Variants in MCHR2 observed in about 807,000 individuals in gnomAD.
MCHR2 encodes melanin-concentrating hormone receptor 2.
A neutral mutation model predicts 24.8 loss-of-function variants in MCHR2; 15 were observed. The ratio of observed to expected loss-of-function variants is 0.60; its 90% CI spans 0.40 to 0.93. MCHR2 has a LOEUF of 0.93. Ranked by LOEUF, MCHR2 falls within the 40% of genes least tolerant of loss-of-function variation. The pLI is 0.00. For synonymous variants in MCHR2, 151 were observed against 147.6 expected (o/e 1.02, Z -0.17); for missense variants, 386 against 408.7 (o/e 0.94, Z 0.48).
At chr6:99,929,563 TG>T (rs1774460551) in intron 5 of MCHR2, among the ~76,000 whole-genome samples, 1 of 152,042 alleles carries the variant, frequency 6.6e-6, no homozygotes, top group African/African-American at 2.4e-5. Context: ...TAGCTCTTCT[TG>T]TTGAATTGAT....
At chr6:99,942,866 T>G in intron 4 of MCHR2, 83 bp downstream of exon 4, 48 of 1,183,664 alleles carry the variant, frequency 4.1e-5, no homozygotes, top group Non-Finnish European at 5.2e-5. Context: ...GGATACTCTT[T>G]GAGGCTGCTC....
At position 99,931,828 on chromosome 6, in the gene MCHR2, C is replaced by T. The variant is rs142487056; in HGVS notation, c.707+2570G>A. 2.9e-4 allele frequency among the ~76,000 whole-genome samples: 44 copies of T among 152,302 alleles called. 1 individual carries two copies. The highest frequency in any genetic ancestry group is 8.3e-4 in the South Asian group (4 of 4,832). ...GCCTTGCCCTGCTTTGGTTCGCTCA[C>T]GGTGCACTGCATCCACTGTCCTGCA... On this transcript the variant is annotated intron_variant, in intron 5 of 5. Coordinates refer to ENST00000281806, the MANE Select transcript of MCHR2 (RefSeq NM_001040179.2).
rs966908292 is a variant in MCHR2, at chr6:99,977,483, G to A, written c.-28+16453C>T. ...GAGTTTTGATACCATACGGAGTAGG[G>A]CTGCATCATTACTTTCATGGGCTCT... On this transcript the variant is annotated intron_variant, in intron 1 of 5. Coordinates refer to ENST00000281806, the MANE Select transcript of MCHR2 (RefSeq NM_001040179.2). 2.0e-5 allele frequency among the ~76,000 whole-genome samples: 3 copies of A among 152,208 alleles called. No individual in the cohort carries two copies. In the East Asian group the frequency reaches 5.8e-4, roughly 29 times the overall value.
chr6:99,936,695 T>G (rs184189900), intron 4 of MCHR2, among the ~76,000 whole-genome samples: 48 of 152,054 alleles, frequency 3.2e-4, no homozygotes, highest in African/African-American at 1.1e-3. Context: ...TCCATATAAA[T>G]TTTAGAATTT....
chr6:99,939,845 C>A (rs183486779), intron 4 of MCHR2, among the ~76,000 whole-genome samples: 10 of 140,154 alleles, frequency 7.1e-5, no homozygotes, highest in South Asian at 4.5e-4. Context: ...GGATAATGTG[C>A]TGGATGCAAT....
intron 2 of MCHR2, among the ~76,000 whole-genome samples, chr6:99,953,454 G>T (rs1379971756): frequency 6.6e-6 from 1 of 151,914 alleles, no homozygotes; most frequent in Admixed American, 6.6e-5. Context: ...ATGGGAGTGA[G>T]CTAGAAACAT....
chr6:99,931,577 G>A (rs1323870856), intron 5 of MCHR2, among the ~76,000 whole-genome samples: 1 of 152,126 alleles, frequency 6.6e-6, no homozygotes, highest in Non-Finnish European at 1.5e-5. Flanking sequence ...CTGCCGCCTT[G>A]CAGTTTGGTC....
Position 99,990,481 on chromosome 6 carries a change from C to G in MCHR2, c.-28+3455G>C, listed in dbSNP as rs763683400. Among the ~76,000 whole-genome samples the G allele has an allele frequency of 1.7e-4, 26 of 151,944 alleles. 1 individual carries two copies. The highest frequency in any genetic ancestry group is 3.1e-4 in the Non-Finnish European group (21 of 68,004). On this transcript the variant is annotated intron_variant, in intron 1 of 5. Transcript: ENST00000281806. ...GATAATCATGCCAGAAGCTAGTATT[C>G]AAGAGAAACTTTATTAGTCCTGAGA...
At chr6:99,978,469 A>T (rs1018304953) in intron 1 of MCHR2, among the ~76,000 whole-genome samples, 5 of 129,400 alleles carry the variant, frequency 3.9e-5, no homozygotes, top group African/African-American at 1.2e-4. Flanking sequence ...GTCAGGCTAG[A>T]GTGCAGTGGT....
chr6:99,968,468 C>A (rs1206245875), intron 1 of MCHR2, among the ~76,000 whole-genome samples: 1 of 152,152 alleles, frequency 6.6e-6, no homozygotes, highest in African/African-American at 2.4e-5. Context: ...GGTCATTCTA[C>A]CTCTCACATC....
chr6:99,971,879 G>C (rs1775430126), intron 1 of MCHR2, among the ~76,000 whole-genome samples: 1 of 152,174 alleles, frequency 6.6e-6, no homozygotes, highest in Non-Finnish European at 1.5e-5. Context: ...ATTTATGTAT[G>C]TTGAACCAGC....
At chr6:99,986,525 A>G (rs1024615793) in intron 1 of MCHR2, among the ~76,000 whole-genome samples, 8 of 152,200 alleles carry the variant, frequency 5.3e-5, no homozygotes, top group African/African-American at 1.4e-4. Context: ...TTATGGCAAC[A>G]TAGATGGAAC....
rs530832814 is a variant in MCHR2, at chr6:99,966,296, ATGTT to A, written c.-27-10126_-27-10123del. Among the ~76,000 whole-genome samples the A allele has an allele frequency of 6.2e-3, 943 of 152,288 alleles. 11 individuals carry two copies. The highest frequency in any genetic ancestry group is 0.022 in the African/African-American group (907 of 41,576). ...TTTCTTCAGTGTCAATTAAAACTTC[ATGTT>A]TACTATCTCCTGTAAATGTTGGAAT... On this transcript the variant is annotated intron_variant, in intron 1 of 5. Coordinates refer to ENST00000281806, the MANE Select transcript of MCHR2 (RefSeq NM_001040179.2).
chr6:99,955,694 A>T (rs1447536298), intron 2 of MCHR2, among the ~76,000 whole-genome samples: 1 of 152,106 alleles, frequency 6.6e-6, no homozygotes, highest in South Asian at 2.1e-4. Flanking sequence ...ATATGCAGCT[A>T]AGACTGAGAG....
intron 5 of MCHR2, among the ~76,000 whole-genome samples, chr6:99,924,148 G>A (rs776397446): frequency 6.6e-6 from 1 of 152,030 alleles, no homozygotes; most frequent in Non-Finnish European, 1.5e-5. Context: ...GGTTATATAT[G>A]TATAGGAATT....
At chr6:99,931,700 A>G (rs1020825938) in intron 5 of MCHR2, among the ~76,000 whole-genome samples, 50 of 152,108 alleles carry the variant, frequency 3.3e-4, no homozygotes, top group Non-Finnish European at 7.2e-4. Flanking sequence ...AAAGCGCAGT[A>G]TTAGGGTGGG....
At chr6:99,921,632 T>C (rs1471946474) in intron 5 of MCHR2, among the ~76,000 whole-genome samples, 1 of 152,200 alleles carries the variant, frequency 6.6e-6, no homozygotes, top group African/African-American at 2.4e-5. Flanking sequence ...AACAATCCAA[T>C]TATACTCTTT....
intron 5 of MCHR2, among the ~76,000 whole-genome samples, chr6:99,928,669 G>T (rs1774429530): frequency 6.6e-6 from 1 of 152,044 alleles, no homozygotes; most frequent in African/African-American, 2.4e-5. Flanking sequence ...TATTTCTGTG[G>T]GATCAGTGGT....
intron 1 of MCHR2, among the ~76,000 whole-genome samples, chr6:99,967,390 A>T (rs956021820): frequency 2.0e-5 from 3 of 152,202 alleles, no homozygotes; most frequent in African/African-American, 7.2e-5. Flanking sequence ...GATAATAAAA[A>T]ATGTATGGCA....
Sources: allele counts gnomAD v4.1 joint callset (sites outside exome capture counted in the v4.1 genomes callset), GRCh38; gene constraint gnomAD v4.1.1; transcripts MANE v1.5; gene names NCBI Gene and HGNC (gene_info 2026-07-23, HGNC 2026-07-21).